The following CLEC6A variants were observed in gnomAD, a reference collection of about 807,000 sequenced individuals.
CLEC6A encodes the protein C-type lectin domain family 6 member A.
Under a neutral mutation model 25.7 loss-of-function variants are expected in CLEC6A, and 22 were observed. That is an observed-to-expected ratio of 0.85 (90% CI 0.61 to 1.22). The LOEUF (loss-of-function observed/expected upper bound fraction) is 1.22, where lower values mean the gene tolerates loss of function less well. Among genes scored for constraint, CLEC6A ranks in the 50% most tolerant of loss-of-function variants. CLEC6A has a pLI of 0.00. For synonymous variants in CLEC6A, 92 were observed against 76.7 expected, an observed-to-expected ratio of 1.20 and a Z score of -1.04; for missense variants, 240 against 236.8, an observed-to-expected ratio of 1.01 and a Z score of -0.09.
chr12:8,461,029 T>G, intron 3 of CLEC6A: 1 of 1,563,620 alleles, frequency 6.4e-7, no homozygotes, highest in Non-Finnish European at 8.7e-7. Flanking sequence ...CATTGATCCA[T>G]TCTATAAAGC....
At chr12:8,461,909 TG>T (rs1939760598) in intron 3 of CLEC6A, among the ~76,000 whole-genome samples, 1 of 152,166 alleles carries the variant, frequency 6.6e-6, no homozygotes, top group South Asian at 2.1e-4. Flanking sequence ...AAAACATATA[TG>T]CCCTCCAATA....
chr12:8,462,756 G>A (rs936607679), intron 3 of CLEC6A, among the ~76,000 whole-genome samples: 20 of 152,042 alleles, frequency 1.3e-4, no homozygotes, highest in East Asian at 7.7e-4. Flanking sequence ...AGGCTGGCGG[G>A]ATCCTCCATA....
chr12:8,463,501 CTTTG>C (rs1373741709), intron 3 of CLEC6A, among the ~76,000 whole-genome samples: 2 of 152,052 alleles, frequency 1.3e-5, no homozygotes, highest in Non-Finnish European at 2.9e-5. Flanking sequence ...ATGAAAAAGG[CTTTG>C]TTTGAATGTC....
chr12:8,456,938 C>T (rs1179028220), intron 1 of CLEC6A, among the ~76,000 whole-genome samples: 3 of 151,988 alleles, frequency 2.0e-5, no homozygotes, highest in Admixed American at 6.6e-5. Flanking sequence ...GGTGAAATCC[C>T]GTCTCTAATA....
intron 4 of CLEC6A, among the ~76,000 whole-genome samples, chr12:8,473,897 C>A (rs1228611957): frequency 6.6e-6 from 1 of 151,844 alleles, no homozygotes; most frequent in Non-Finnish European, 1.5e-5. Context: ...CTGTTTATGT[C>A]TTTTGCCCAT....
intron 4 of CLEC6A, among the ~76,000 whole-genome samples, chr12:8,468,225 G>A (rs758883998): frequency 1.3e-5 from 2 of 152,346 alleles, no homozygotes; most frequent in South Asian, 2.1e-4. Flanking sequence ...TTACAGGCGT[G>A]AGCCACCACA....
Position 8,477,678 on chromosome 12 carries a change from T to C in CLEC6A, c.*214T>C, listed in dbSNP as rs1235362019. ...CATTAATGATAGAATGCACCCTTCC[T>C]CTCTTTGTTCCATTCTTTCACTTGT... On this transcript the variant is annotated 3_prime_UTR_variant, in exon 6 of 6. Transcript: ENST00000382073. 2.7e-6 allele frequency: 1 copy of C among 372,124 alleles called. No individual in the cohort carries two copies. Among genetic ancestry groups the C allele is most frequent in the East Asian group, 4.4e-5 (1 of 22,542 alleles). The allele number at this position is 372,124 out of a possible 1,614,324, so 23.1% of individuals were successfully genotyped here.
At chr12:8,463,200 G>A (rs1019292444) in intron 3 of CLEC6A, among the ~76,000 whole-genome samples, 1 of 151,962 alleles carries the variant, frequency 6.6e-6, no homozygotes, top group African/African-American at 2.4e-5. Context: ...ATTTCCTGTG[G>A]CCCATTAGGC....
intron 3 of CLEC6A, among the ~76,000 whole-genome samples, chr12:8,464,170 T>C (rs1236458813): frequency 6.6e-6 from 1 of 152,174 alleles, no homozygotes; most frequent in African/African-American, 2.4e-5. Context: ...AATAAGATTT[T>C]TGGTTTTTAA....
Position 8,475,593 on chromosome 12 carries a change from G to A in CLEC6A, c.370-532G>A, listed in dbSNP as rs192774000. 2.6e-5 allele frequency among the ~76,000 whole-genome samples: 4 copies of A among 151,998 alleles called. 1 individual carries two copies. In the East Asian group the frequency reaches 7.8e-4, roughly 30 times the overall value. On this transcript the variant is annotated intron_variant, in intron 4 of 5. Transcript: ENST00000382073. Reference sequence around the variant, plus strand: ...GATTGATGTCTTAGGTCAAGCAGCAGGCAGGCAGGAAGAAATAAAAATATG... The same window carrying A: ...GATTGATGTCTTAGGTCAAGCAGCAAGCAGGCAGGAAGAAATAAAAATATG...
At chr12:8,459,995 T>C (rs1270379393) in intron 3 of CLEC6A, among the ~76,000 whole-genome samples, 1 of 152,152 alleles carries the variant, frequency 6.6e-6, no homozygotes, top group East Asian at 1.9e-4. Context: ...GTTCTTACAT[T>C]CCCCTCACCC....
intron 4 of CLEC6A, among the ~76,000 whole-genome samples, chr12:8,466,748 C>T (rs4445712): frequency 0.77 from 116,816 of 151,200 alleles, 45,591 homozygotes; most frequent in East Asian, 0.99. Flanking sequence ...ATCTGCCTCC[C>T]GGGTTCAAGC....
Position 8,459,656 on chromosome 12 carries a change from C to A in CLEC6A, c.181C>A (p.His61Asn), listed in dbSNP as rs1181453109. Residue 61 changes from histidine to asparagine, a missense_variant, in exon 3 of 6, where the codon CAT becomes AAT. His to Asn is a moderately conservative substitution (Grantham distance 68). Coordinates refer to ENST00000382073, the MANE Select transcript of CLEC6A (RefSeq NM_001007033.2). ...AAGGCTGTCTGAACTACACTCATAT[C>A]ATTCAAGTCTCACCTGCTTCAGTGA... ...GKRLSELHSY[H>N]SSLTCFSEGT... The A allele has an allele frequency of 1.5e-5, 24 of 1,613,518 alleles. No individual in the cohort carries two copies. The highest frequency in any genetic ancestry group is 2.0e-5 in the Non-Finnish European group (24 of 1,179,544).
chr12:8,461,198 T>C lies in CLEC6A; in HGVS notation c.223+1500T>C, dbSNP rs115924935. ...GGTTCTCATCTGGCAGATTGGAGAA[T>C]GTGCAATACTCTCCAGCTCCACCGT... On this transcript the variant is annotated intron_variant, in intron 3 of 5. Coordinates refer to ENST00000382073, the MANE Select transcript of CLEC6A (RefSeq NM_001007033.2). 3.1e-4 allele frequency: 296 copies of C among 970,342 alleles called. No homozygotes were observed. In the African/African-American group the frequency reaches 4.3e-3, roughly 14 times the overall value. The allele number at this position is 970,342 out of a possible 1,614,324, so 60.1% of individuals were successfully genotyped here. A position where few individuals can be genotyped will look rare whatever the true frequency, so the allele number is the denominator to read the frequency against.
intron 4 of CLEC6A, among the ~76,000 whole-genome samples, chr12:8,471,136 A>T (rs1939901183): frequency 6.6e-6 from 1 of 152,102 alleles, no homozygotes; most frequent in African/African-American, 2.4e-5. Context: ...TTCCAGAAAT[A>T]AATCCCAGTT....
At chr12:8,470,689 C>T (rs1939893786) in intron 4 of CLEC6A, among the ~76,000 whole-genome samples, 1 of 152,056 alleles carries the variant, frequency 6.6e-6, no homozygotes, top group Admixed American at 6.6e-5. Flanking sequence ...TAAGTGGGAG[C>T]TAAGCTATGA....
At position 8,476,229 on chromosome 12, in the gene CLEC6A, G is replaced by T; in HGVS notation, c.474G>T (p.Glu158Asp). The T allele has an allele frequency of 6.3e-7, 1 of 1,596,114 alleles. No individual in the cohort carries two copies. Among genetic ancestry groups the T allele is most frequent in the Non-Finnish European group, 8.5e-7 (1 of 1,170,582 alleles). ...AATGGATTGATAAGACACCTTATGAGAAAAATGTCAGGTGAGTGCAGTTCT... is the reference window on the plus strand; with the variant it reads ...AATGGATTGATAAGACACCTTATGATAAAAATGTCAGGTGAGTGCAGTTCT... ...NWQWIDKTPY[E>D]KNVRFWHLGE... The change falls in exon 5 of 6, where the codon GAG (glutamate) becomes GAT (aspartate). Residue 158 changes from glutamate to aspartate, a missense_variant. Transcript: ENST00000382073.
intron 4 of CLEC6A, among the ~76,000 whole-genome samples, chr12:8,466,186 C>T (rs1939826718): frequency 6.6e-6 from 1 of 152,206 alleles, no homozygotes. Context: ...TTACCACAAT[C>T]AAGCTAATTA....
chr12:8,461,642 T>C (rs4883148), intron 3 of CLEC6A, among the ~76,000 whole-genome samples: 115,792 of 152,174 alleles, frequency 0.76, 44,367 homozygotes, highest in East Asian at 0.99. Flanking sequence ...GTGCTCCAAT[T>C]TTAACAACAT....
Sources: allele counts gnomAD v4.1 joint callset (sites outside exome capture counted in the v4.1 genomes callset), GRCh38; gene constraint gnomAD v4.1.1; transcripts MANE v1.5; gene names NCBI Gene and HGNC (gene_info 2026-07-23, HGNC 2026-07-21).